Variants in SEPTIN9 observed in about 807,000 individuals in gnomAD.
The protein encoded by SEPTIN9 is septin 9, also known as septin-9.
SEPTIN9 carries 13 observed loss-of-function variants against 56.6 expected under a neutral mutation model. The observed-to-expected ratio is 0.23, with a 90% CI of 0.15 to 0.37. The LOEUF is 0.37. SEPTIN9 is among the 10% of genes least tolerant of loss of function. The probability of loss-of-function intolerance (pLI) is 1.00; values close to 1 mark genes in which losing one functional copy is unlikely to be tolerated. For synonymous variants in SEPTIN9, 332 were observed against 334.1 expected (o/e 0.99, Z 0.07); for missense variants, 650 against 823.1 (o/e 0.79, Z 2.57).
rs184191399 is a variant in SEPTIN9, at chr17:77,389,711, C to T, written c.77-12348C>T. On this transcript the variant is annotated intron_variant, in intron 2 of 11. Coordinates refer to ENST00000427177, the MANE Select transcript of SEPTIN9 (RefSeq NM_001113491.2). The surrounding 1 kb of genome is among the most constrained non-coding windows in gnomAD (Gnocchi z 4.3). ...CCAGGGACGGAGGGTGGGCGGCCCTCCCACCCAGGCCCTGGCGGCCCCACC... is the reference window on the plus strand; with the variant it reads ...CCAGGGACGGAGGGTGGGCGGCCCTTCCACCCAGGCCCTGGCGGCCCCACC... Among the ~76,000 whole-genome samples, 161 of 150,952 alleles carry T rather than the reference C, an allele frequency of 1.1e-3. 6 individuals are homozygous for T. The East Asian group carries it at 0.029, about 27-fold the overall frequency.
At chr17:77,365,841 C>T (rs1244778067) in intron 2 of SEPTIN9, among the ~76,000 whole-genome samples, 3 of 152,186 alleles carry the variant, frequency 2.0e-5, no homozygotes, top group Non-Finnish European at 4.4e-5. Context: ...ACTGTGGTGA[C>T]TTTGAAAATA....
In SEPTIN9 at chr17:77,437,713, C is replaced by A. The variant is rs2037392490; in HGVS notation, c.721+35010C>A. Among the ~76,000 whole-genome samples, 1 of 152,162 alleles carries A rather than the reference C, an allele frequency of 6.6e-6. No homozygotes were observed. Among genetic ancestry groups the A allele is most frequent in the South Asian group, 2.1e-4 (1 of 4,830 alleles). On this transcript the variant is annotated intron_variant, in intron 3 of 11. Coordinates refer to ENST00000427177, the MANE Select transcript of SEPTIN9 (RefSeq NM_001113491.2). The surrounding 1 kb of genome is among the most constrained non-coding windows in gnomAD (Gnocchi z 5.3). ...TCCATGCTGCAAAAGCCCAAGTGAACCCCAGTAGTGGCCTGGGAGAATCAT... is the reference window on the plus strand; with the variant it reads ...TCCATGCTGCAAAAGCCCAAGTGAAACCCAGTAGTGGCCTGGGAGAATCAT...
rs1381884059 is a variant in SEPTIN9, at chr17:77,445,212, C to G, written c.722-36932C>G. 2.1e-6 allele frequency: 1 copy of G among 470,872 alleles called. No homozygotes were observed. The highest frequency in any genetic ancestry group is 1.5e-5 in the South Asian group (1 of 64,570). The allele number at this position is 470,872 out of a possible 1,614,324, so 29.2% of individuals were successfully genotyped here. A position where few individuals can be genotyped will look rare whatever the true frequency, so the allele number is the denominator to read the frequency against. ...GTTGGTCTGTGGGTAGAAATGTGGGCTGCCTCGGGGCGTCACAGCTACAAA... is the reference window on the plus strand; with the variant it reads ...GTTGGTCTGTGGGTAGAAATGTGGGGTGCCTCGGGGCGTCACAGCTACAAA... On this transcript the variant is annotated intron_variant, in intron 3 of 11. Coordinates refer to ENST00000427177, the MANE Select transcript of SEPTIN9 (RefSeq NM_001113491.2). This position sits in a 1 kb window ranked among gnomAD's most constrained non-coding sequence, Gnocchi z 4.7.
intron 3 of SEPTIN9, among the ~76,000 whole-genome samples, chr17:77,442,730 G>A (rs554660278): frequency 2.6e-5 from 4 of 151,888 alleles, no homozygotes; most frequent in East Asian, 2.0e-4. Flanking sequence ...AAAATTAGCC[G>A]GGTATGGTGG....
At chr17:77,486,205 C>T (rs2039771946) in intron 4 of SEPTIN9, among the ~76,000 whole-genome samples, 1 of 152,118 alleles carries the variant, frequency 6.6e-6, no homozygotes, top group Non-Finnish European at 1.5e-5. Context: ...TGGGCTTGAG[C>T]AATTCTCCTA....
At position 77,421,340 on chromosome 17, in the gene SEPTIN9, C is replaced by G. The variant is rs913798511; in HGVS notation, c.721+18637C>G. On this transcript the variant is annotated intron_variant, in intron 3 of 11. Transcript: ENST00000427177. The surrounding 1 kb of genome is among the most constrained non-coding windows in gnomAD (Gnocchi z 4.6). ...GATTGGAACCGCATTTCTCTCCCCC[C>G]AGTCACAGCTGCCAGGAGCTCATCT... 1.3e-5 allele frequency among the ~76,000 whole-genome samples: 2 copies of G among 152,202 alleles called. No homozygotes were observed. The highest frequency in any genetic ancestry group is 1.9e-4 in the East Asian group (1 of 5,196).
intron 2 of SEPTIN9, among the ~76,000 whole-genome samples, chr17:77,348,294 G>GTTT (rs367934946): frequency 0.11 from 9,582 of 89,496 alleles, 1,000 homozygotes; most frequent in African/African-American, 0.2. Flanking sequence ...TTTAATTTAT[G>GTTT]TTTTTTTTTT....
rs1391390696 is a variant in SEPTIN9 at position 77,451,290 on chromosome 17, A to G, written c.722-30854A>G. ...GCCGGGCCTGCCGCTGGGCGCCCCT[A>G]TCTCTGCCTGCCCCCTCCTCCTGCT... On this transcript the variant is annotated intron_variant, in intron 3 of 11. Coordinates refer to ENST00000427177, the MANE Select transcript of SEPTIN9 (RefSeq NM_001113491.2). This position sits in a 1 kb window ranked among gnomAD's most constrained non-coding sequence, Gnocchi z 4.2. 5.7e-6 allele frequency: 5 copies of G among 879,426 alleles called. No individual in the cohort carries two copies. The highest frequency in any genetic ancestry group is 6.2e-5 in the Admixed American group (1 of 16,112). 54.5% of individuals were successfully genotyped at this position (879,426 alleles called of 1,614,324 possible).
intron 3 of SEPTIN9, among the ~76,000 whole-genome samples, chr17:77,442,454 C>T (rs2037581002): frequency 6.7e-6 from 1 of 149,516 alleles, no homozygotes; most frequent in Admixed American, 6.6e-5. Flanking sequence ...ACCTCGGCCT[C>T]CCAAAGTGGT....
At chr17:77,398,001 T>C (rs113774323) in intron 2 of SEPTIN9, among the ~76,000 whole-genome samples, 3,023 of 138,254 alleles carry the variant, frequency 0.022, 109 homozygotes, top group African/African-American at 0.076. Context: ...TGAGACAGAG[T>C]CTCACTCTGT....
At chr17:77,290,324 C>G (rs576473049) in intron 1 of SEPTIN9, among the ~76,000 whole-genome samples, 1 of 149,702 alleles carries the variant, frequency 6.7e-6, no homozygotes, top group African/African-American at 2.5e-5. Context: ...GTGGCGCGAT[C>G]TCCGCTCACT....
chr17:77,315,126 C>G (rs2032649265), intron 2 of SEPTIN9, among the ~76,000 whole-genome samples: 1 of 152,150 alleles, frequency 6.6e-6, no homozygotes, highest in South Asian at 2.1e-4. Context: ...CTATTAGGCT[C>G]TGATGTCAGG....
Position 77,367,708 on chromosome 17 carries a change from C to T in SEPTIN9, c.77-34351C>T, listed in dbSNP as rs1272223304. 3.3e-5 allele frequency among the ~76,000 whole-genome samples: 5 copies of T among 151,688 alleles called. No individual in the cohort carries two copies. Among genetic ancestry groups the T allele is most frequent in the Non-Finnish European group, 7.4e-5 (5 of 67,944 alleles). The stretch of plus-strand genomic sequence containing the variant: ...GCGGGTGCCTGTAATCCCAGCTACT[C>T]GGGAGGCTGAGGCAGGAGAATTGCT... On this transcript the variant is annotated intron_variant, in intron 2 of 11. Transcript: ENST00000427177. This position sits in a 1 kb window ranked among gnomAD's most constrained non-coding sequence, Gnocchi z 4.5.
At chr17:77,438,725 G>A (rs2037442274) in intron 3 of SEPTIN9, among the ~76,000 whole-genome samples, 1 of 152,226 alleles carries the variant, frequency 6.6e-6, no homozygotes. Flanking sequence ...GTGAGGTGGA[G>A]TGTGGGACTA....
At chr17:77,413,490 T>C (rs1394504769) in intron 3 of SEPTIN9, among the ~76,000 whole-genome samples, 2 of 152,242 alleles carry the variant, frequency 1.3e-5, no homozygotes, top group African/African-American at 4.8e-5. Context: ...ATTGACATGA[T>C]TGATCAGCAG....
chr17:77,492,575 G>C lies in SEPTIN9; in HGVS notation c.1381-46G>C. ...TGTGGCAAACACCAGTGGGTGGGTA[G>C]AGCTTGCCACAGGGATGGGCCCATC... On this transcript the variant is annotated intron_variant, in intron 8 of 11. Transcript: ENST00000427177. This position sits in a 1 kb window ranked among gnomAD's most constrained non-coding sequence, Gnocchi z 5.4. 1 of 1,566,758 alleles carries C rather than the reference G, an allele frequency of 6.4e-7. No individual in the cohort carries two copies. Among genetic ancestry groups the C allele is most frequent in the Non-Finnish European group, 8.8e-7 (1 of 1,136,934 alleles).
chr17:77,333,039 T>C (rs992880086), intron 2 of SEPTIN9, among the ~76,000 whole-genome samples: 2 of 152,200 alleles, frequency 1.3e-5, no homozygotes, highest in Non-Finnish European at 1.5e-5. Flanking sequence ...AACTGCCAGA[T>C]CTTTTCCCAA....
chr17:77,492,685 C>T lies in SEPTIN9; in HGVS notation c.1445C>T (p.Ser482Leu), dbSNP rs780672539. The part of the protein sequence containing the change: ...VYPQKEFDED[S>L]EDRLVNEKFR... ...CCCCAGAAGGAATTTGATGAGGACT[C>T]GGAGGACCGGCTGGTGAACGAGAAG... is the stretch of plus-strand genomic sequence containing the variant. Residue 482 changes from serine (S) to leucine (L), a missense_variant, in exon 9 of 12, where the codon TCG (serine) becomes TTG (leucine). Transcript: ENST00000427177. The surrounding 1 kb of genome is among the most constrained non-coding windows in gnomAD (Gnocchi z 5.4). 1.5e-5 allele frequency: 25 copies of T among 1,613,982 alleles called. No homozygotes were observed. The highest frequency in any genetic ancestry group is 5.0e-5 in the Admixed American group (3 of 60,006).
Position 77,487,731 on chromosome 17 carries a change from C to T in SEPTIN9, c.1042+179C>T, listed in dbSNP as rs146136255. Among the ~76,000 whole-genome samples, 1 of 115,702 alleles carries T rather than the reference C, an allele frequency of 8.6e-6. No homozygotes were observed. Among genetic ancestry groups the T allele is most frequent in the Non-Finnish European group, 1.7e-5 (1 of 58,930 alleles). 75.9% of individuals were successfully genotyped at this position (115,702 alleles called of 152,430 possible). Reference sequence around the variant, plus strand: ...AAGACCATCACACACAGTCAGTGGCCGGGAGTGGGCTGGGGATGCAGGACG... The same window carrying T: ...AAGACCATCACACACAGTCAGTGGCTGGGAGTGGGCTGGGGATGCAGGACG... On this transcript the variant is annotated intron_variant, in intron 5 of 11. Coordinates refer to ENST00000427177, the MANE Select transcript of SEPTIN9 (RefSeq NM_001113491.2). The surrounding 1 kb of genome is among the most constrained non-coding windows in gnomAD (Gnocchi z 4.3).
Sources: allele counts gnomAD v4.1 joint callset (sites outside exome capture counted in the v4.1 genomes callset), GRCh38; gene constraint gnomAD v4.1.1; non-coding constraint Gnocchi (gnomAD v3.1); transcripts MANE v1.5; gene names NCBI Gene and HGNC (gene_info 2026-07-23, HGNC 2026-07-21).